The following LAMA1 variants were observed in gnomAD, a reference collection of about 807,000 sequenced individuals.
LAMA1 encodes the protein laminin subunit alpha 1, also known as laminin subunit alpha-1.
In LAMA1, 219 loss-of-function variants were observed where a neutral mutation model predicts 348.7. That is an observed-to-expected ratio of 0.63 (90% CI 0.56 to 0.70). The LOEUF (loss-of-function observed/expected upper bound fraction) is 0.70. LAMA1 is among the 30% of genes least tolerant of loss of function. The probability of loss-of-function intolerance (pLI) is 0.00; values close to 1 mark genes in which losing one functional copy is unlikely to be tolerated. For missense variants in LAMA1, 3,744 were observed against 3,888.0 expected, an observed-to-expected ratio of 0.96 and a Z score of 0.99; for synonymous variants, 1,487 against 1,491.0, an observed-to-expected ratio of 1.00 and a Z score of 0.06.
chr18:7,098,110 C>T (rs577690850), intron 1 of LAMA1, among the ~76,000 whole-genome samples: 22 of 149,322 alleles, frequency 1.5e-4, no homozygotes, highest in African/African-American at 4.8e-4. Context: ...CTCAGCCTCC[C>T]GAGGTGCCGG....
At position 7,023,983 on chromosome 18, in the gene LAMA1, C is replaced by A. The variant is rs28616091; in HGVS notation, c.2489+397G>T. ...CCTCCCAAGTAGCTAGGATTACAGG[C>A]ACCCGCCGTCATGCCCGGCCTTTTG... is the stretch of plus-strand genomic sequence containing the variant. On this transcript the variant is annotated intron_variant, in intron 18 of 62. Transcript: ENST00000389658. Among the ~76,000 whole-genome samples the A allele has an allele frequency of 2.7e-3, 404 of 152,106 alleles. 1 individual carries two copies. The highest frequency in any genetic ancestry group is 9.5e-3 in the African/African-American group (394 of 41,514).
Position 6,978,207 on chromosome 18 carries a change from G to A in LAMA1, c.6179C>T (p.Ser2060Phe). 1.2e-6 allele frequency: 2 copies of A among 1,614,220 alleles called. No homozygotes were observed. The highest frequency in any genetic ancestry group is 1.7e-6 in the Non-Finnish European group (2 of 1,180,046). The change falls in exon 43 of 63, where the codon TCC becomes TTC. Residue 2060 changes from serine to phenylalanine, a missense_variant. Coordinates refer to ENST00000389658, the MANE Select transcript of LAMA1 (RefSeq NM_005559.4). ...GGGCGCTGACATACTGGCCATGGTG[G>A]AGTCCTGCAGAAGCTGGTGTGTCTC... ...LRETHQLLQD[S>F]TMATLLAGRK...
At position 7,017,372 on chromosome 18, in the gene LAMA1, T is replaced by A; in HGVS notation, c.2714A>T (p.His905Leu). The A allele has an allele frequency of 5.6e-6, 9 of 1,613,640 alleles. No individual in the cohort carries two copies. Among genetic ancestry groups the A allele is most frequent in the Non-Finnish European group, 6.8e-6 (8 of 1,179,804 alleles). ...CACGGCAGAATGGGAGCCTTTCACA[T>A]GGCATTCACAGGCTAAACACATGCA... ...TAKNCRACEC[H>L]VKGSHSAVCH... The change falls in exon 20 of 63, where the codon CAT becomes CTT. Residue 905 changes from histidine (H) to leucine (L), a missense_variant. His to Leu is a moderately conservative substitution (Grantham distance 99, BLOSUM62 -3). This residue lies in a region of LAMA1 where 1,529 missense variants were observed against 1,689.4 expected (regional missense o/e 0.91). Coordinates refer to ENST00000389658, the MANE Select transcript of LAMA1 (RefSeq NM_005559.4).
intron 3 of LAMA1, among the ~76,000 whole-genome samples, chr18:7,066,424 A>G (rs748137629): frequency 2.6e-5 from 4 of 152,232 alleles, no homozygotes; most frequent in Non-Finnish European, 5.9e-5. Context: ...TGAGACTTAG[A>G]GTCAAATCGG....
rs769174266 is a variant in LAMA1 at position 7,049,077 on chromosome 18, C to T, written c.768+1G>A. ...TGGCAGGACTGCCGTCCCATACTCA[C>T]GCGTCTGGTAACAATAGGATCCAGT... On this transcript the variant is annotated splice_donor_variant, in intron 5 of 62. Coordinates refer to ENST00000389658, the MANE Select transcript of LAMA1 (RefSeq NM_005559.4). LOFTEE classifies it high-confidence loss of function. 5 of 1,613,248 alleles carry T rather than the reference C, an allele frequency of 3.1e-6. No individual in the cohort carries two copies. Among genetic ancestry groups the T allele is most frequent in the Non-Finnish European group, 4.2e-6 (5 of 1,179,306 alleles).
intron 23 of LAMA1, 30 bp downstream of exon 23, chr18:7,013,785 G>T (rs748665321): frequency 1.2e-6 from 2 of 1,601,936 alleles, no homozygotes; most frequent in South Asian, 1.1e-5. Context: ...GCCAGAGACA[G>T]GATGAAAGAG....
chr18:7,021,253 G>A (rs867337798), intron 19 of LAMA1, among the ~76,000 whole-genome samples: 1 of 152,112 alleles, frequency 6.6e-6, no homozygotes, highest in Non-Finnish European at 1.5e-5. Context: ...TGCAACCCCC[G>A]ACAGTCATTC....
chr18:6,972,017 T>C, intron 47 of LAMA1, 36 bp from the exon 48 acceptor site: 1 of 1,611,278 alleles, frequency 6.2e-7, no homozygotes, highest in South Asian at 1.1e-5. Flanking sequence ...AACCAATATA[T>C]AAGCTGACCA....
chr18:7,014,127 G>A (rs979534593), intron 22 of LAMA1, 76 bp from the exon 23 acceptor site: 2 of 1,119,870 alleles, frequency 1.8e-6, no homozygotes, highest in East Asian at 2.4e-5. Context: ...TGAATTACAG[G>A]AAAACACTAC....
intron 26 of LAMA1, among the ~76,000 whole-genome samples, chr18:7,009,777 TG>T (rs1224407782): frequency 6.6e-6 from 1 of 152,188 alleles, no homozygotes; most frequent in Non-Finnish European, 1.5e-5. Context: ...AAATTCAAAC[TG>T]TTTTTGGAGA....
intron 28 of LAMA1, among the ~76,000 whole-genome samples, chr18:7,008,222 G>A (rs1333617728): frequency 1.2e-4 from 19 of 152,152 alleles, no homozygotes; most frequent in Admixed American, 1.2e-3. Flanking sequence ...TTTGCGTTTC[G>A]GATGATAAAA....
intron 16 of LAMA1, among the ~76,000 whole-genome samples, chr18:7,030,117 GAGTGGAAAAACCTAGCAGACA>G (rs1216749052): frequency 6.6e-6 from 1 of 152,068 alleles, no homozygotes; most frequent in Non-Finnish European, 1.5e-5. Flanking sequence ...AGTAACTTCA[GAGTGGAAAAACCTAGCAGACA>G]TCACCTAATT....
At chr18:7,031,916 T>A (rs989002689) in intron 16 of LAMA1, 150 bp downstream of exon 16, 1 of 584,794 alleles carries the variant, frequency 1.7e-6, no homozygotes, top group South Asian at 2.4e-5. Context: ...AAACATTTCA[T>A]GACATGAGCT....
Position 7,023,336 on chromosome 18 carries a change from G to A in LAMA1, c.2529C>T (p.Gly843=), listed in dbSNP as rs774533568. 8.7e-6 allele frequency: 14 copies of A among 1,614,030 alleles called. No individual in the cohort carries two copies. The highest frequency in any genetic ancestry group is 1.6e-4 in the Middle Eastern group (1 of 6,082). ...TGCAGTCACAGGGAACACAAGATTCGCCAGGCACTGTTGGGTTTCCATAGT... is the reference window on the plus strand; with the variant it reads ...TGCAGTCACAGGGAACACAAGATTCACCAGGCACTGTTGGGTTTCCATAGT... ...DGYYGNPTVP[G]ESCVPCDCSG... Residue 843 remains glycine (G), a synonymous_variant, in exon 19 of 63, where the codon GGC becomes GGT. Coordinates refer to ENST00000389658, the MANE Select transcript of LAMA1 (RefSeq NM_005559.4).
chr18:6,973,022 A>G, intron 47 of LAMA1, 35 bp downstream of exon 47: 4 of 1,612,490 alleles, frequency 2.5e-6, no homozygotes, highest in Non-Finnish European at 3.4e-6. Flanking sequence ...AAATCAGTCA[A>G]TCAGTCCTGT....
chr18:6,986,438 T>C lies in LAMA1; in HGVS notation c.5169-91A>G, dbSNP rs536339859. On this transcript the variant is annotated intron_variant, in intron 36 of 62. Coordinates refer to ENST00000389658, the MANE Select transcript of LAMA1 (RefSeq NM_005559.4). ...AGTGGAAAAAATTTTTACGTATTTA[T>C]GCCTAGTCTCTTTTTGAAATTGTAA... The C allele has an allele frequency of 5.1e-4, 580 of 1,139,104 alleles. 3 individuals carry two copies. The highest frequency in any genetic ancestry group is 3.8e-3 in the African/African-American group (246 of 65,174). 70.6% of individuals were successfully genotyped at this position (1,139,104 alleles called of 1,614,324 possible).
chr18:6,965,169 C>G (rs2057626858), intron 50 of LAMA1, 119 bp downstream of exon 50: 3 of 1,319,710 alleles, frequency 2.3e-6, no homozygotes, highest in Non-Finnish European at 3.2e-6. Flanking sequence ...CACTGGCTTC[C>G]AAGTAGACTA....
chr18:6,947,110 C>T (rs539004273), intron 61 of LAMA1, 53 bp downstream of exon 61: 3 of 1,611,526 alleles, frequency 1.9e-6, no homozygotes, highest in Non-Finnish European at 2.5e-6. Flanking sequence ...TTCTCAATTG[C>T]TCTGTCTCTG....
chr18:6,986,915 C>T (rs77202702), intron 36 of LAMA1, among the ~76,000 whole-genome samples: 20,996 of 152,110 alleles, frequency 0.14, 1,472 homozygotes, highest in South Asian at 0.16. Flanking sequence ...CCTGCCATCA[C>T]GCCCAGCTAA....
Sources: gnomAD v4.1 joint callset for allele counts (sites outside exome capture counted in the v4.1 genomes callset) on GRCh38, gnomAD v4.1.1 for gene constraint, gnomAD v4.1.1 regional missense constraint, MANE v1.5 for transcripts, NCBI Gene and HGNC (gene_info 2026-07-23, HGNC 2026-07-21) for gene names.